The following PARL variants were observed in gnomAD, a reference collection of about 807,000 sequenced individuals.
The protein encoded by PARL is presenilin-associated rhomboid-like protein, mitochondrial.
In PARL, 44 loss-of-function variants were observed where a neutral mutation model predicts 51.6. That is an observed-to-expected ratio of 0.85 (90% CI 0.67 to 1.10). PARL has a LOEUF of 1.10. Ranked by LOEUF, PARL falls within the 50% of genes least tolerant of loss-of-function variation. The pLI, the probability that PARL is intolerant of heterozygous loss-of-function variation, is 0.00. For missense variants in PARL, 441 were observed against 469.5 expected (o/e 0.94, Z 0.56); for synonymous variants, 172 against 164.0 (o/e 1.05, Z -0.37).
At chr3:183,842,944 A>C (rs1253057514) in intron 5 of PARL, among the ~76,000 whole-genome samples, 1 of 143,974 alleles carries the variant, frequency 6.9e-6, no homozygotes, top group African/African-American at 2.6e-5. Context: ...ATCTTGGCTC[A>C]CTGCAGCCTC....
chr3:183,842,167 C>A (rs1560383399), intron 6 of PARL, 131 bp downstream of exon 6: 1 of 943,232 alleles, frequency 1.1e-6, no homozygotes. Context: ...TCTCTACATA[C>A]ACTGTGAGAA....
chr3:183,830,156 G>A (rs905639746), intron 9 of PARL, among the ~76,000 whole-genome samples: 3 of 152,250 alleles, frequency 2.0e-5, no homozygotes, highest in South Asian at 2.1e-4. Flanking sequence ...CATGCCTCCC[G>A]TCATCTTCCT....
intron 4 of PARL, among the ~76,000 whole-genome samples, chr3:183,849,067 A>T (rs1730275128): frequency 6.6e-6 from 1 of 152,226 alleles, no homozygotes; most frequent in Non-Finnish European, 1.5e-5. Flanking sequence ...GGACAGAACT[A>T]AAGGAATAAA....
rs910408497 is a variant in PARL at position 183,829,375 on chromosome 3, A to G, written c.*223T>C. On this transcript the variant is annotated 3_prime_UTR_variant, in exon 10 of 10. Transcript: ENST00000317096. Reference sequence around the variant, plus strand: ...AGCCGTGTCGGCCCCTTAAAGAGAGAACACACACATCTGCTTACAAACTAG... The same window carrying G: ...AGCCGTGTCGGCCCCTTAAAGAGAGGACACACACATCTGCTTACAAACTAG... 4.6e-5 allele frequency: 66 copies of G among 1,443,136 alleles called. No individual in the cohort carries two copies. The highest frequency in any genetic ancestry group is 5.9e-5 in the Non-Finnish European group (65 of 1,099,994). The allele number at this position is 1,443,136 out of a possible 1,614,324, so 89.4% of individuals were successfully genotyped here.
intron 4 of PARL, among the ~76,000 whole-genome samples, chr3:183,856,118 T>C (rs542433883): frequency 1.4e-4 from 22 of 152,224 alleles, no homozygotes; most frequent in Non-Finnish European, 3.1e-4. Flanking sequence ...ATGTGAATTA[T>C]ATCTTAATTT....
chr3:183,867,811 T>G, intron 2 of PARL, 54 bp downstream of exon 2: 1 of 1,340,286 alleles, frequency 7.5e-7, no homozygotes, highest in East Asian at 2.3e-5. Context: ...GACAAAGTAC[T>G]TTAACACTGC....
In PARL at chr3:183,866,718, T is replaced by C. The variant is rs765996876; in HGVS notation, c.369A>G (p.Ser123=). 3.9e-5 allele frequency: 63 copies of C among 1,610,236 alleles called. No individual in the cohort carries two copies. The highest frequency in any genetic ancestry group is 5.3e-5 in the Non-Finnish European group (62 of 1,176,636). ...AATAACTCTGGACCCTGGATTTCAG[T>C]GATTCATATTGCCAAATAGCAGCTG... is the stretch of plus-strand genomic sequence containing the variant. The part of the protein sequence containing the change: ...FGSAAIWQYE[S]LKSRVQSYFD... The change falls in exon 3 of 10, where the codon TCA becomes TCG. Residue 123 remains serine, a synonymous_variant. Transcript: ENST00000317096.
Position 183,884,829 on chromosome 3 carries a change from C to A in PARL, c.18G>T (p.Trp6Cys). The A allele has an allele frequency of 6.3e-7, 1 of 1,597,456 alleles. No homozygotes were observed. Among genetic ancestry groups the A allele is most frequent in the Middle Eastern group, 2.2e-4 (1 of 4,484 alleles). The change falls in exon 1 of 10, where the codon TGG becomes TGT. Residue 6 changes from tryptophan to cysteine, a missense_variant. Physicochemically the swap from Trp to Cys is radical, Grantham distance 215. Transcript: ENST00000317096. MAWRGWAQRGWGCGQA... is the reference protein window; with the variant it reads MAWRGCAQRGWGCGQA... The stretch of plus-strand genomic sequence containing the variant: ...GGCCGCAGCCCCAGCCTCTCTGCGC[C>A]CAGCCTCGCCACGCCATCTTCCCAA...
chr3:183,856,257 A>G (rs1022964738), intron 4 of PARL, among the ~76,000 whole-genome samples: 1 of 152,038 alleles, frequency 6.6e-6, no homozygotes, highest in Non-Finnish European at 1.5e-5. Flanking sequence ...TTACCATACC[A>G]CTTGGGGTCT....
At chr3:183,843,154 G>A (rs1192089137) in intron 5 of PARL, 9 of 961,562 alleles carry the variant, frequency 9.4e-6, no homozygotes, top group Non-Finnish European at 1.1e-5. Context: ...CAAGTGCTGG[G>A]ATTATAGATG....
intron 1 of PARL, among the ~76,000 whole-genome samples, chr3:183,878,516 T>G (rs1026371276): frequency 6.6e-6 from 1 of 152,150 alleles, no homozygotes; most frequent in African/African-American, 2.4e-5. Flanking sequence ...ACATTAGAAC[T>G]GCCTGGTGAG....
intron 4 of PARL, among the ~76,000 whole-genome samples, chr3:183,861,798 TGA>T (rs1188856210): frequency 2.0e-5 from 3 of 152,208 alleles, no homozygotes; most frequent in African/African-American, 7.2e-5. Context: ...TTTTTGTTTT[TGA>T]GAGTCTCATC....
chr3:183,882,514 C>G (rs1734687024), intron 1 of PARL, among the ~76,000 whole-genome samples: 1 of 151,616 alleles, frequency 6.6e-6, no homozygotes, highest in African/African-American at 2.4e-5. Flanking sequence ...TTAAGTGTTA[C>G]AATTCAACTA....
chr3:183,867,756 T>C (rs1732697599), intron 2 of PARL, 109 bp downstream of exon 2: 14 of 814,054 alleles, frequency 1.7e-5, no homozygotes, highest in Non-Finnish European at 2.8e-5. Flanking sequence ...CCAGCTCTTT[T>C]TGATCCCCCC....
intron 7 of PARL, among the ~76,000 whole-genome samples, chr3:183,839,736 A>C (rs1729068990): frequency 6.6e-6 from 1 of 150,924 alleles, no homozygotes; most frequent in Admixed American, 6.6e-5. Flanking sequence ...ACACTTAAAA[A>C]AAAATTTTTT....
chr3:183,849,614 A>C (rs1730333180), intron 4 of PARL, among the ~76,000 whole-genome samples: 1 of 152,118 alleles, frequency 6.6e-6, no homozygotes, highest in Non-Finnish European at 1.5e-5. Context: ...GCAAACTAAA[A>C]CCAAAGGAAG....
At chr3:183,859,169 T>C (rs889716257) in intron 4 of PARL, among the ~76,000 whole-genome samples, 2 of 151,812 alleles carry the variant, frequency 1.3e-5, no homozygotes, top group Non-Finnish European at 2.9e-5. Context: ...AGCCGGGCAC[T>C]TATAGGCTGA....
At chr3:183,884,578 G>A in intron 1 of PARL, 144 bp downstream of exon 1, 2 of 783,470 alleles carry the variant, frequency 2.6e-6, no homozygotes, top group South Asian at 1.7e-5. Flanking sequence ...GGACGGAGGC[G>A]AGAGAGGAGA....
At position 183,833,601 on chromosome 3, in the gene PARL, C is replaced by A. The variant is rs776370554; in HGVS notation, c.931-12G>T. 1 of 1,590,478 alleles carries A rather than the reference C, an allele frequency of 6.3e-7. No homozygotes were observed. Among genetic ancestry groups the A allele is most frequent in the African/African-American group, 1.3e-5 (1 of 74,470 alleles). ...ATGGCTTTCAGGGCCTGAAAGGCAG[C>A]AAGAAACAAGCGGCACAACTGTGAT... On this transcript the variant is annotated splice_polypyrimidine_tract_variant and intron_variant, in intron 8 of 9. Transcript: ENST00000317096.
Sources: gnomAD v4.1 joint callset for allele counts (sites outside exome capture counted in the v4.1 genomes callset) on GRCh38, gnomAD v4.1.1 for gene constraint, MANE v1.5 for transcripts, NCBI Gene and HGNC (gene_info 2026-07-23, HGNC 2026-07-21) for gene names.